The following ATP10B variants were observed in gnomAD, a reference collection of about 807,000 sequenced individuals.
ATP10B encodes ATPase phospholipid transporting 10B (putative).
ATP10B carries 122 observed loss-of-function variants against 141.2 expected under a neutral mutation model. The ratio of observed to expected loss-of-function variants is 0.86; its 90% CI spans 0.75 to 1.00. The LOEUF (loss-of-function observed/expected upper bound fraction) is 1.00. Ranked by LOEUF, ATP10B falls within the 50% of genes least tolerant of loss-of-function variation. The pLI, the probability that ATP10B is intolerant of heterozygous loss-of-function variation, is 0.00. For missense variants in ATP10B, 1,876 were observed against 1,825.3 expected (o/e 1.03, Z -0.51); for synonymous variants, 685 against 692.0 (o/e 0.99, Z 0.16).
chr5:160,815,873 C>T (rs1391342886), intron 1 of ATP10B, among the ~76,000 whole-genome samples: 1 of 152,196 alleles, frequency 6.6e-6, no homozygotes, highest in African/African-American at 2.4e-5. Context: ...TAAAACCACT[C>T]AACTACATCG....
chr5:160,871,717 G>T, the ATP10B span, among the ~76,000 whole-genome samples: 1 of 152,118 alleles, frequency 6.6e-6, no homozygotes, highest in Non-Finnish European at 1.5e-5. Context: ...TTTTATGACT[G>T]TGTAGTATTC....
intron 18 of ATP10B, among the ~76,000 whole-genome samples, chr5:160,609,743 T>C (rs977667291): frequency 6.6e-6 from 1 of 152,186 alleles, no homozygotes; most frequent in African/African-American, 2.4e-5. Context: ...CCTTTTAAGA[T>C]GCTAAATTGA....
intron 5 of ATP10B, among the ~76,000 whole-genome samples, chr5:160,686,749 A>T (rs1267486587): frequency 1.3e-5 from 2 of 152,114 alleles, no homozygotes; most frequent in African/African-American, 4.8e-5. Flanking sequence ...CAAAATGGGG[A>T]TAGTATTATG....
At chr5:160,786,923 T>C (rs2127897474) in intron 1 of ATP10B, among the ~76,000 whole-genome samples, 1 of 152,086 alleles carries the variant, frequency 6.6e-6, no homozygotes, top group Admixed American at 6.6e-5. Flanking sequence ...CTCAGTCTTG[T>C]CCCCCTGATT....
chr5:160,585,506 G>A (rs1331248994), intron 24 of ATP10B, among the ~76,000 whole-genome samples: 1 of 152,196 alleles, frequency 6.6e-6, no homozygotes, highest in Non-Finnish European at 1.5e-5. Flanking sequence ...AGGAGGCTGA[G>A]GCAGAAGAAT....
intron 2 of ATP10B, among the ~76,000 whole-genome samples, chr5:160,743,157 G>A (rs1767589667): frequency 6.6e-6 from 1 of 152,138 alleles, no homozygotes; most frequent in Admixed American, 6.6e-5. Flanking sequence ...TAAAACTGAA[G>A]CAGAGAGTTT....
At chr5:160,921,070 A>G in the ATP10B span, among the ~76,000 whole-genome samples, 28 of 152,312 alleles carry the variant, frequency 1.8e-4, no homozygotes, top group Admixed American at 8.5e-4. Flanking sequence ...CTTCCCCGCT[A>G]TGGTCCCAGA....
intron 8 of ATP10B, among the ~76,000 whole-genome samples, chr5:160,646,311 T>A (rs567774438): frequency 2.0e-5 from 3 of 152,328 alleles, no homozygotes; most frequent in African/African-American, 7.2e-5. Context: ...CTTGCTAGTA[T>A]GTTCTTGACC....
intron 9 of ATP10B, among the ~76,000 whole-genome samples, chr5:160,642,165 C>A (rs995972224): frequency 2.0e-5 from 3 of 152,204 alleles, no homozygotes; most frequent in African/African-American, 4.8e-5. Flanking sequence ...TAGAGTTCAA[C>A]TCAGGAGGCA....
At chr5:160,843,920 TAATA>T (rs1775958859) in intron 1 of ATP10B, among the ~76,000 whole-genome samples, 2 of 152,130 alleles carry the variant, frequency 1.3e-5, no homozygotes, top group South Asian at 4.1e-4. Context: ...TTCTCATTTT[TAATA>T]ATTACTCATT....
intron 1 of ATP10B, among the ~76,000 whole-genome samples, chr5:160,833,657 TATG>T (rs1169193403): frequency 1.3e-5 from 2 of 152,126 alleles, no homozygotes; most frequent in African/African-American, 4.8e-5. Context: ...ATAAAATAAC[TATG>T]ATTACAATAT....
the ATP10B span, among the ~76,000 whole-genome samples, chr5:160,865,970 G>A: frequency 1.7e-4 from 26 of 152,262 alleles, no homozygotes; most frequent in East Asian, 3.5e-3. Context: ...TGGTGGGAAC[G>A]TAAGCTAATA....
intron 1 of ATP10B, 110 bp downstream of exon 1, chr5:160,851,831 G>A (rs1205175417): frequency 6.6e-6 from 1 of 152,146 alleles, no homozygotes; most frequent in African/African-American, 2.4e-5. Context: ...CAAATGCAGT[G>A]TAAAGAAAAG....
intron 24 of ATP10B, among the ~76,000 whole-genome samples, chr5:160,576,140 A>G (rs1055165363): frequency 3.3e-5 from 5 of 152,162 alleles, no homozygotes; most frequent in Non-Finnish European, 5.9e-5. Context: ...GGGGTCGGGT[A>G]GAATTGTTTG....
At chr5:160,870,592 C>A in the ATP10B span, among the ~76,000 whole-genome samples, 1 of 151,768 alleles carries the variant, frequency 6.6e-6, no homozygotes, top group East Asian at 1.9e-4. Context: ...CTAAAAAAGA[C>A]GTAACATACA....
chr5:160,724,978 G>C (rs1052379018), intron 2 of ATP10B, among the ~76,000 whole-genome samples: 2 of 152,090 alleles, frequency 1.3e-5, no homozygotes, highest in East Asian at 3.8e-4. Flanking sequence ...ATGAAAACAG[G>C]GACTTTTGTC....
At chr5:160,896,635 T>C in the ATP10B span, among the ~76,000 whole-genome samples, 1 of 151,952 alleles carries the variant, frequency 6.6e-6, no homozygotes, top group African/African-American at 2.4e-5. Flanking sequence ...GCTGGTACCA[T>C]TTTTTTTCTG....
chr5:160,825,103 A>G (rs965412745), intron 1 of ATP10B, among the ~76,000 whole-genome samples: 9 of 151,966 alleles, frequency 5.9e-5, no homozygotes, highest in African/African-American at 2.2e-4. Context: ...TATCCTTTTT[A>G]TGTCTCTCTA....
At chr5:160,721,291 A>T (rs1293636686) in intron 2 of ATP10B, among the ~76,000 whole-genome samples, 2 of 152,192 alleles carry the variant, frequency 1.3e-5, no homozygotes, top group African/African-American at 4.8e-5. Context: ...TTTATCAAAA[A>T]GAAAATAAGG....
Sources: gnomAD v4.1 joint callset for allele counts (sites outside exome capture counted in the v4.1 genomes callset) on GRCh38, gnomAD v4.1.1 for gene constraint, MANE v1.5 for transcripts, NCBI Gene and HGNC (gene_info 2026-07-23, HGNC 2026-07-21) for gene names.